The following CNTNAP4 variants were observed in gnomAD, a reference collection of about 807,000 sequenced individuals.
CNTNAP4 encodes contactin-associated protein-like 4.
A neutral mutation model predicts 148.4 loss-of-function variants in CNTNAP4; 98 were observed. The observed-to-expected ratio is 0.66, with a 90% CI of 0.56 to 0.78. CNTNAP4 has a LOEUF of 0.78. Among genes scored for constraint, CNTNAP4 ranks in the 30% least tolerant of loss-of-function variants. CNTNAP4 has a pLI of 0.00. For synonymous variants in CNTNAP4, 730 were observed against 565.1 expected (o/e 1.29, Z -4.14); for missense variants, 1,935 against 1,565.6 (o/e 1.24, Z -3.98).
chr16:76,331,826 G>C (rs1963555903), intron 2 of CNTNAP4, among the ~76,000 whole-genome samples: 2 of 152,092 alleles, frequency 1.3e-5, no homozygotes, highest in East Asian at 1.9e-4. Flanking sequence ...TTCTTTACGT[G>C]GCTTTGCATA....
intron 21 of CNTNAP4, among the ~76,000 whole-genome samples, chr16:76,541,264 C>A (rs1346267175): frequency 6.6e-6 from 1 of 152,074 alleles, no homozygotes; most frequent in East Asian, 1.9e-4. Context: ...GCAATGTTGC[C>A]CTTGGCAGCC....
chr16:76,404,443 C>G (rs1395487229), intron 3 of CNTNAP4, among the ~76,000 whole-genome samples: 1 of 151,816 alleles, frequency 6.6e-6, no homozygotes, highest in Non-Finnish European at 1.5e-5. Flanking sequence ...CACACACACA[C>G]AGACACACAC....
At chr16:76,420,098 T>G (rs2079123964) in intron 3 of CNTNAP4, among the ~76,000 whole-genome samples, 1 of 128,226 alleles carries the variant, frequency 7.8e-6, no homozygotes, top group East Asian at 2.3e-4. Context: ...CTAGTTTGTT[T>G]GTCTTTTTTC....
At chr16:76,324,079 G>C (rs1475718311) in intron 2 of CNTNAP4, among the ~76,000 whole-genome samples, 1 of 152,152 alleles carries the variant, frequency 6.6e-6, no homozygotes, top group Non-Finnish European at 1.5e-5. Flanking sequence ...GAAATTGGTA[G>C]TCCCTCAATA....
rs772284772 is a variant in CNTNAP4, at chr16:76,489,875, A to G, written c.2072A>G (p.Asn691Ser). The G allele has an allele frequency of 6.5e-6, 10 of 1,549,552 alleles. No homozygotes were observed. Among genetic ancestry groups the G allele is most frequent in the African/African-American group, 4.1e-5 (3 of 73,706 alleles). The change falls in exon 13 of 24, where the codon AAT becomes AGT. Residue 691 changes from asparagine to serine, a missense_variant. Asn to Ser is a conservative substitution (Grantham distance 46). Coordinates refer to ENST00000611870, the MANE Select transcript of CNTNAP4 (RefSeq NM_033401.5). ...TACTGCAAGAAGTCACGGCTGGTCAATAAGCAAGGTAAGTAAACCATGGTG... is the reference window on the plus strand; with the variant it reads ...TACTGCAAGAAGTCACGGCTGGTCAGTAAGCAAGGTAAGTAAACCATGGTG... The part of the protein sequence containing the change: ...TYYCKKSRLV[N>S]KQDGTPLSWW...
chr16:76,343,588 C>T lies in CNTNAP4; in HGVS notation c.197-11730C>T, dbSNP rs148111992. Among the ~76,000 whole-genome samples the T allele has an allele frequency of 4.8e-3, 728 of 152,252 alleles. 13 individuals carry two copies. Among genetic ancestry groups the T allele is most frequent in the Middle Eastern group, 6.8e-3 (2 of 294 alleles). On this transcript the variant is annotated intron_variant, in intron 2 of 23. Transcript: ENST00000611870. The stretch of plus-strand genomic sequence containing the variant: ...AGATACAACAACAAGGATAATTACA[C>T]GTTTATAACCACAGGTTAAAATCAG...
At chr16:76,454,458 C>G (rs937294917) in intron 8 of CNTNAP4, among the ~76,000 whole-genome samples, 5 of 152,118 alleles carry the variant, frequency 3.3e-5, no homozygotes, top group African/African-American at 1.2e-4. Flanking sequence ...ATAATATAAT[C>G]TGTTATGACA....
intron 1 of CNTNAP4, among the ~76,000 whole-genome samples, chr16:76,315,843 C>T (rs1368376021): frequency 6.6e-6 from 1 of 152,020 alleles, no homozygotes; most frequent in African/African-American, 2.4e-5. Context: ...AATGCACCTG[C>T]CTCAGCCTCC....
intron 3 of CNTNAP4, among the ~76,000 whole-genome samples, chr16:76,396,441 C>T (rs915527033): frequency 6.6e-6 from 1 of 152,112 alleles, no homozygotes; most frequent in Non-Finnish European, 1.5e-5. Flanking sequence ...AAAACTAAAG[C>T]TGTAAGTGGT....
intron 6 of CNTNAP4, 28 bp downstream of exon 6, chr16:76,448,979 T>G (rs1227745441): frequency 1.3e-6 from 2 of 1,592,050 alleles, no homozygotes; most frequent in South Asian, 2.2e-5. Flanking sequence ...CAATTAATGC[T>G]GATTTTATTA....
At chr16:76,339,195 T>TA (rs76250871) in intron 2 of CNTNAP4, among the ~76,000 whole-genome samples, 34,161 of 151,920 alleles carry the variant, frequency 0.22, 4,333 homozygotes, top group East Asian at 0.49. Context: ...AGTGGTCTTT[T>TA]TAACTGTCTA....
At chr16:76,543,602 G>A (rs1197939322) in intron 21 of CNTNAP4, among the ~76,000 whole-genome samples, 5 of 152,234 alleles carry the variant, frequency 3.3e-5, no homozygotes, top group Non-Finnish European at 7.3e-5. Context: ...TTAGACAGAA[G>A]CACAGAAGTG....
chr16:76,481,182 G>T (rs551931657), intron 12 of CNTNAP4, among the ~76,000 whole-genome samples: 2 of 152,326 alleles, frequency 1.3e-5, no homozygotes, highest in Middle Eastern at 6.8e-3. Context: ...GGTGGAATTT[G>T]TACTTAAATG....
At chr16:76,399,533 G>A (rs2078328680) in intron 3 of CNTNAP4, among the ~76,000 whole-genome samples, 1 of 152,036 alleles carries the variant, frequency 6.6e-6, no homozygotes. Flanking sequence ...TGAGATTTTT[G>A]GAACCCACAG....
At chr16:76,496,094 T>C (rs2143842753) in intron 14 of CNTNAP4, among the ~76,000 whole-genome samples, 1 of 149,592 alleles carries the variant, frequency 6.7e-6, no homozygotes, top group African/African-American at 2.4e-5. Flanking sequence ...GTTGTGTGTG[T>C]GTGTGTGTGT....
At chr16:76,453,529 C>T (rs2080602058) in intron 8 of CNTNAP4, among the ~76,000 whole-genome samples, 1 of 152,060 alleles carries the variant, frequency 6.6e-6, no homozygotes, top group Admixed American at 6.5e-5. Context: ...CAATGGCATC[C>T]AAGCCAAGCA....
At chr16:76,369,001 A>C (rs534792787) in intron 3 of CNTNAP4, among the ~76,000 whole-genome samples, 21 of 151,912 alleles carry the variant, frequency 1.4e-4, no homozygotes, top group Non-Finnish European at 2.8e-4. Context: ...TTTCTAAAAA[A>C]CAGTAAAAAA....
chr16:76,339,142 A>C (rs971155512), intron 2 of CNTNAP4, among the ~76,000 whole-genome samples: 1 of 152,062 alleles, frequency 6.6e-6, no homozygotes. Context: ...GATACATTCT[A>C]TATGCTTTGC....
intron 2 of CNTNAP4, among the ~76,000 whole-genome samples, chr16:76,343,495 C>T (rs1394288651): frequency 6.6e-6 from 1 of 152,132 alleles, no homozygotes; most frequent in Non-Finnish European, 1.5e-5. Flanking sequence ...GAAACATTCG[C>T]CTGCTTTTTC....
Sources: allele counts gnomAD v4.1 joint callset (sites outside exome capture counted in the v4.1 genomes callset), GRCh38; gene constraint gnomAD v4.1.1; transcripts MANE v1.5; gene names NCBI Gene and HGNC (gene_info 2026-07-23, HGNC 2026-07-21).